The following CASQ2 variants were observed in gnomAD, a reference collection of about 807,000 sequenced individuals.
CASQ2 encodes calsequestrin 2, also known as calsequestrin-2.
CASQ2 carries 49 observed loss-of-function variants against 46.5 expected under a neutral mutation model. The observed-to-expected ratio is 1.05, with a 90% CI of 0.84 to 1.34. The LOEUF (loss-of-function observed/expected upper bound fraction) is 1.34. Ranked by LOEUF, CASQ2 falls within the 40% of genes most tolerant of loss-of-function variation. The pLI is 0.00. For synonymous variants in CASQ2, 174 were observed against 168.5 expected, an observed-to-expected ratio of 1.03 and a Z score of -0.25; for missense variants, 486 against 481.3, an observed-to-expected ratio of 1.01 and a Z score of -0.09.
chr1:115,703,054 C>G (rs1372076285), intron 9 of CASQ2, 59 bp from the exon 10 acceptor site: 1 of 1,346,122 alleles, frequency 7.4e-7, no homozygotes, highest in Non-Finnish European at 1.1e-6. Flanking sequence ...TGTTAAGGAC[C>G]CACCCGCCGT....
chr1:115,737,334 C>T (rs1356998913), intron 4 of CASQ2, among the ~76,000 whole-genome samples: 1 of 152,052 alleles, frequency 6.6e-6, no homozygotes, highest in African/African-American at 2.4e-5. Context: ...ACTAAGGATG[C>T]TAGTGGGAAG....
At chr1:115,752,554 C>T (rs2101110649) in intron 1 of CASQ2, among the ~76,000 whole-genome samples, 1 of 151,992 alleles carries the variant, frequency 6.6e-6, no homozygotes, top group East Asian at 1.9e-4. Flanking sequence ...CAAGGGCATC[C>T]CAGGAGGAAG....
chr1:115,736,665 A>T (rs963602734), intron 4 of CASQ2, among the ~76,000 whole-genome samples: 4 of 152,208 alleles, frequency 2.6e-5, no homozygotes, highest in Non-Finnish European at 5.9e-5. Context: ...TGAGGCAAGC[A>T]TAAGATTCTC....
chr1:115,700,109 T>A lies in CASQ2; in HGVS notation c.*1132A>T. ...CTATTTTCAAAAAATTTGCACAGTGTCTTACACATGTGCTAAAAGATTGAG... is the reference window on the plus strand; with the variant it reads ...CTATTTTCAAAAAATTTGCACAGTGACTTACACATGTGCTAAAAGATTGAG... On this transcript the variant is annotated 3_prime_UTR_variant, in exon 11 of 11. Transcript: ENST00000261448. The A allele has an allele frequency of 7.0e-6, 1 of 143,172 alleles. No individual in the cohort carries two copies. The highest frequency in any genetic ancestry group is 2.0e-4 in the East Asian group (1 of 5,022). 8.9% of individuals were successfully genotyped at this position (143,172 alleles called of 1,614,324 possible). A position where few individuals can be genotyped will look rare whatever the true frequency, so the allele number is the denominator to read the frequency against.
intron 9 of CASQ2, 38 bp downstream of exon 9, chr1:115,705,154 C>T: frequency 7.7e-7 from 1 of 1,290,426 alleles, no homozygotes; most frequent in African/African-American, 1.5e-5. Flanking sequence ...GAGGTTGTGA[C>T]AGCAACTGAG....
intron 4 of CASQ2, 53 bp downstream of exon 4, chr1:115,738,171 T>C: frequency 9.1e-7 from 1 of 1,094,272 alleles, no homozygotes; most frequent in Non-Finnish European, 1.4e-6. Flanking sequence ...CTGACATACC[T>C]TGTTTGGAAT....
chr1:115,758,527 A>C (rs1231221696), intron 1 of CASQ2, among the ~76,000 whole-genome samples: 1 of 152,174 alleles, frequency 6.6e-6, no homozygotes, highest in Non-Finnish European at 1.5e-5. Flanking sequence ...TTCCCTCCAA[A>C]TCTTACATTA....
chr1:115,731,290 C>T (rs1455948009), intron 5 of CASQ2, among the ~76,000 whole-genome samples: 1 of 152,180 alleles, frequency 6.6e-6, no homozygotes, highest in Admixed American at 6.5e-5. Flanking sequence ...CTACCCTGAG[C>T]TCAACGTTGA....
At chr1:115,710,458 C>G (rs1004279298) in intron 8 of CASQ2, among the ~76,000 whole-genome samples, 2 of 152,200 alleles carry the variant, frequency 1.3e-5, no homozygotes, top group Non-Finnish European at 2.9e-5. Context: ...GGTCTCTGCA[C>G]TCCTACCAAT....
At chr1:115,733,893 C>CA (rs1323312477) in intron 4 of CASQ2, among the ~76,000 whole-genome samples, 1 of 152,132 alleles carries the variant, frequency 6.6e-6, no homozygotes, top group Non-Finnish European at 1.5e-5. Context: ...AAGATTCTAT[C>CA]AAAATTTTTT....
intron 1 of CASQ2, among the ~76,000 whole-genome samples, chr1:115,759,017 A>G (rs1648850435): frequency 6.6e-6 from 1 of 152,240 alleles, no homozygotes; most frequent in Non-Finnish European, 1.5e-5. Flanking sequence ...AGAAGGTAAA[A>G]TGAGTGCATG....
intron 1 of CASQ2, among the ~76,000 whole-genome samples, chr1:115,748,544 A>ATTTCTTT (rs2101105781): frequency 1.2e-5 from 1 of 85,452 alleles, no homozygotes; most frequent in South Asian, 3.7e-4. Flanking sequence ...GCTTTCTCTT[A>ATTTCTTT]TTTCTTTTAT....
At chr1:115,749,082 C>A (rs572896623) in intron 1 of CASQ2, among the ~76,000 whole-genome samples, 2 of 152,340 alleles carry the variant, frequency 1.3e-5, no homozygotes, top group South Asian at 4.1e-4. Context: ...GTTGTCAGCA[C>A]ATCCAAAGTG....
At chr1:115,726,960 G>GGCCCCCCCCCCCCCCAACCCCC in intron 6 of CASQ2, 32 bp downstream of exon 6, 1 of 654,060 alleles carries the variant, frequency 1.5e-6, no homozygotes, top group Non-Finnish European at 2.7e-6. Context: ...CCAGACCCCA[G>GGCCCCCCCCCCCCCCAACCCCC]GCCCCCAGCC....
At chr1:115,761,516 A>AGAAGAAGAG (rs1648959740) in intron 1 of CASQ2, among the ~76,000 whole-genome samples, 3 of 104,960 alleles carry the variant, frequency 2.9e-5, no homozygotes, top group African/African-American at 1.1e-4. Flanking sequence ...AAGAAGAAGA[A>AGAAGAAGAG]GAAGAAGAAG....
At chr1:115,738,483 A>T in intron 3 of CASQ2, 148 bp from the exon 4 acceptor site, 1 of 703,384 alleles carries the variant, frequency 1.4e-6, no homozygotes, top group Admixed American at 1.9e-5. Context: ...TCCCCCAGTG[A>T]GCATACCAGC....
In CASQ2 at chr1:115,713,927, G is replaced by T. The variant is rs77112902; in HGVS notation, c.838+3913C>A. On this transcript the variant is annotated intron_variant, in intron 8 of 10. Coordinates refer to ENST00000261448, the MANE Select transcript of CASQ2 (RefSeq NM_001232.4). ...TGCCACTGCATTGCCCTGGGTCTCCGCTTTCTTGTCTTTCAAATGTTGGAG... is the reference window on the plus strand; with the variant it reads ...TGCCACTGCATTGCCCTGGGTCTCCTCTTTCTTGTCTTTCAAATGTTGGAG... 5.4e-3 allele frequency among the ~76,000 whole-genome samples: 829 copies of T among 152,214 alleles called. 7 individuals are homozygous for T. The highest frequency in any genetic ancestry group is 0.019 in the African/African-American group (794 of 41,530).
At chr1:115,718,679 AGTG>A (rs1213190871) in intron 7 of CASQ2, among the ~76,000 whole-genome samples, 2 of 152,124 alleles carry the variant, frequency 1.3e-5, no homozygotes, top group Non-Finnish European at 2.9e-5. Flanking sequence ...GATTGAGAAA[AGTG>A]GTGTATGGCT....
chr1:115,732,656 A>T (rs1291273318), intron 5 of CASQ2, among the ~76,000 whole-genome samples: 2 of 152,192 alleles, frequency 1.3e-5, no homozygotes, highest in African/African-American at 2.4e-5. Context: ...GTATAAGAAG[A>T]TAATGGTGGG....
Sources: allele counts gnomAD v4.1 joint callset (sites outside exome capture counted in the v4.1 genomes callset), GRCh38; gene constraint gnomAD v4.1.1; transcripts MANE v1.5; gene names NCBI Gene and HGNC (gene_info 2026-07-23, HGNC 2026-07-21).